PLPP4: variants seen among roughly 807,000 people sequenced by gnomAD.
PLPP4 encodes phospholipid phosphatase 4, also known as diacylglycerol pyrophosphate like 2.
Under a neutral mutation model 32.2 loss-of-function variants are expected in PLPP4, and 20 were observed. The observed-to-expected ratio is 0.62, with a 90% CI of 0.44 to 0.90. The LOEUF (loss-of-function observed/expected upper bound fraction) is 0.90, where lower values mean the gene tolerates loss of function less well. Ranked by LOEUF, PLPP4 falls within the 40% of genes least tolerant of loss-of-function variation. The pLI is 0.00. For synonymous variants in PLPP4, 127 were observed against 133.0 expected, an observed-to-expected ratio of 0.95 and a Z score of 0.31; for missense variants, 257 against 353.1, an observed-to-expected ratio of 0.73 and a Z score of 2.18.
intron 5 of PLPP4, among the ~76,000 whole-genome samples, chr10:120,530,274 G>A (rs1846641007): frequency 6.6e-6 from 1 of 151,782 alleles, no homozygotes; most frequent in South Asian, 2.1e-4. Flanking sequence ...TCTCTCTTAT[G>A]TCCATGTCCA....
At chr10:120,462,297 AG>A (rs899064730) in intron 1 of PLPP4, among the ~76,000 whole-genome samples, 1 of 152,156 alleles carries the variant, frequency 6.6e-6, no homozygotes, top group African/African-American at 2.4e-5. Flanking sequence ...AGGGCCCTGC[AG>A]GGCAGGGGTC....
chr10:120,587,764 T>C (rs2291314), intron 6 of PLPP4, among the ~76,000 whole-genome samples: 11,271 of 152,282 alleles, frequency 0.074, 656 homozygotes, highest in South Asian at 0.3. Flanking sequence ...TAATGACCAC[T>C]CAAAATGTCA....
intron 5 of PLPP4, among the ~76,000 whole-genome samples, chr10:120,565,355 T>TGTGTGTGTGTGC (rs1554896518): frequency 7.5e-6 from 1 of 132,588 alleles, no homozygotes; most frequent in East Asian, 2.3e-4. Context: ...TGTGTGTGTG[T>TGTGTGTGTGTGC]GTGTGTGCTG....
At chr10:120,466,083 G>C (rs1405565568) in intron 1 of PLPP4, among the ~76,000 whole-genome samples, 1 of 152,012 alleles carries the variant, frequency 6.6e-6, no homozygotes, top group East Asian at 1.9e-4. Context: ...TCTTAAGGAA[G>C]GATTTGGCCT....
intron 6 of PLPP4, chr10:120,580,851 T>C: frequency 7.8e-7 from 1 of 1,282,282 alleles, no homozygotes; most frequent in Non-Finnish European, 1.0e-6. Flanking sequence ...CTCCCTCTAA[T>C]ATCCTCAGCC....
At chr10:120,521,192 A>G in intron 5 of PLPP4, 97 bp downstream of exon 5, 1 of 1,447,706 alleles carries the variant, frequency 6.9e-7, no homozygotes, top group Non-Finnish European at 9.4e-7. Context: ...TGGTACAGGA[A>G]TGTTAAGCGC....
At chr10:120,542,347 T>C (rs531164362) in intron 5 of PLPP4, among the ~76,000 whole-genome samples, 12 of 152,350 alleles carry the variant, frequency 7.9e-5, no homozygotes, top group African/African-American at 2.6e-4. Flanking sequence ...CTTCATTGTA[T>C]TGTTTATTGG....
At chr10:120,563,250 C>CCAAA (rs201294302) in intron 5 of PLPP4, among the ~76,000 whole-genome samples, 15 of 151,930 alleles carry the variant, frequency 9.9e-5, no homozygotes, top group East Asian at 3.9e-4. Flanking sequence ...AAAAACCAAA[C>CCAAA]CAAACAAACA....
rs904357249 is a variant in PLPP4, at chr10:120,568,499, C to A, written c.446-6632C>A. On this transcript the variant is annotated intron_variant, in intron 5 of 6. Transcript: ENST00000398250. Reference sequence around the variant, plus strand: ...AGGATGATCAGATGAGCACACTGGGCAAATCAATGACTACTCCTTGTTGGT... The same window carrying A: ...AGGATGATCAGATGAGCACACTGGGAAAATCAATGACTACTCCTTGTTGGT... Among the ~76,000 whole-genome samples the A allele has an allele frequency of 2.2e-4, 33 of 152,292 alleles. 1 individual carries two copies. Among genetic ancestry groups the A allele is most frequent in the African/African-American group, 7.5e-4 (31 of 41,566 alleles).
At chr10:120,506,197 C>T (rs1216070683) in intron 2 of PLPP4, among the ~76,000 whole-genome samples, 1 of 152,194 alleles carries the variant, frequency 6.6e-6, no homozygotes, top group Non-Finnish European at 1.5e-5. Flanking sequence ...GAAATAAGTT[C>T]AACCTTTTAT....
chr10:120,516,288 C>T (rs1845932640), intron 3 of PLPP4, among the ~76,000 whole-genome samples: 6 of 152,198 alleles, frequency 3.9e-5, no homozygotes. Context: ...TGCTTCTTTA[C>T]TCAGATGTCT....
intron 1 of PLPP4, among the ~76,000 whole-genome samples, chr10:120,478,601 T>C (rs1844041349): frequency 6.6e-6 from 1 of 152,246 alleles, no homozygotes; most frequent in Non-Finnish European, 1.5e-5. Context: ...TGGGTGGTCT[T>C]TTAGTCTTAA....
chr10:120,517,368 C>T (rs1486367388), intron 3 of PLPP4, among the ~76,000 whole-genome samples: 4 of 152,280 alleles, frequency 2.6e-5, no homozygotes, highest in South Asian at 2.1e-4. Context: ...AATTTGCTCT[C>T]GCCTTTTGGA....
In PLPP4 at chr10:120,589,446, A is replaced by G; in HGVS notation, c.760A>G (p.Thr254Ala). 6.2e-7 allele frequency: 1 copy of G among 1,614,104 alleles called. No homozygotes were observed. The highest frequency in any genetic ancestry group is 8.5e-7 in the Non-Finnish European group (1 of 1,179,962). ...PASLKKEERP[T>A]ADSAPSLPLE... ...CTCACTGAAGAAAGAGGAGAGGCCCACAGCTGACAGCGCACCCAGCTTGCC... is the reference window on the plus strand; with the variant it reads ...CTCACTGAAGAAAGAGGAGAGGCCCGCAGCTGACAGCGCACCCAGCTTGCC... The change falls in exon 7 of 7, where the codon ACA (threonine) becomes GCA (alanine). Residue 254 changes from threonine to alanine, a missense_variant. Thr to Ala is a moderately conservative substitution (Grantham distance 58). Coordinates refer to ENST00000398250, the MANE Select transcript of PLPP4 (RefSeq NM_001030059.3).
At chr10:120,584,178 C>T (rs1003300030) in intron 6 of PLPP4, among the ~76,000 whole-genome samples, 2 of 152,194 alleles carry the variant, frequency 1.3e-5, no homozygotes, top group Admixed American at 1.3e-4. Context: ...CTCTTTTCCT[C>T]TACTTCTCAA....
intron 2 of PLPP4, among the ~76,000 whole-genome samples, chr10:120,505,796 A>T (rs1412390261): frequency 6.6e-6 from 1 of 152,214 alleles, no homozygotes; most frequent in African/African-American, 2.4e-5. Flanking sequence ...TAACTCAAAT[A>T]TTCTATAAAT....
intron 5 of PLPP4, among the ~76,000 whole-genome samples, chr10:120,572,136 T>G (rs1022908000): frequency 6.6e-6 from 1 of 152,122 alleles, no homozygotes; most frequent in African/African-American, 2.4e-5. Context: ...GGCTTCAACA[T>G]TTTGGAGGGG....
intron 5 of PLPP4, among the ~76,000 whole-genome samples, chr10:120,538,855 G>A (rs1421261141): frequency 5.3e-5 from 8 of 152,098 alleles, no homozygotes; most frequent in Non-Finnish European, 4.4e-5. Context: ...GTCCAGTTGA[G>A]GAAACTGAGA....
intron 1 of PLPP4, among the ~76,000 whole-genome samples, chr10:120,462,254 A>G (rs964658472): frequency 6.6e-6 from 1 of 152,090 alleles, no homozygotes; most frequent in Non-Finnish European, 1.5e-5. Context: ...GAGTGGCAGG[A>G]AGGGAGCCTG....
Sources: allele counts gnomAD v4.1 joint callset (sites outside exome capture counted in the v4.1 genomes callset), GRCh38; gene constraint gnomAD v4.1.1; transcripts MANE v1.5; gene names NCBI Gene and HGNC (gene_info 2026-07-23, HGNC 2026-07-21).